The following TTC28 variants were observed in gnomAD, a reference collection of about 807,000 sequenced individuals.
The protein encoded by TTC28 is tetratricopeptide repeat domain 28.
TTC28 carries 61 observed loss-of-function variants against 198.0 expected under a neutral mutation model. That is an observed-to-expected ratio of 0.31 (90% confidence interval 0.25 to 0.38). TTC28 has a LOEUF of 0.38. TTC28 is among the 10% of genes least tolerant of loss of function. The pLI is 1.00. For synonymous variants in TTC28, 1,171 were observed against 1,297.8 expected (o/e 0.90, Z 2.10); for missense variants, 2,678 against 3,164.0 (o/e 0.85, Z 3.69).
At position 28,412,771 on chromosome 22, in the gene TTC28, G is replaced by A. The variant is rs369684595; in HGVS notation, c.382-106128C>T. On this transcript the variant is annotated intron_variant, in intron 2 of 22. Transcript: ENST00000397906. ...AGTTTGTGTATTTAGGCATGGTGAT[G>A]CTTAGTGACAGAAAAGGGAGGAAAT... is the stretch of plus-strand genomic sequence containing the variant. Among the ~76,000 whole-genome samples, 9 of 152,298 alleles carry A rather than the reference G, an allele frequency of 5.9e-5. No homozygotes were observed. The East Asian group carries it at 1.7e-3, about 29-fold the overall frequency.
Position 28,247,081 on chromosome 22 carries a change from A to G in TTC28, c.933+49117T>C, listed in dbSNP as rs138714170. Among the ~76,000 whole-genome samples the G allele has an allele frequency of 2.6e-4, 40 of 152,340 alleles. No individual in the cohort carries two copies. In the East Asian group the frequency reaches 6.9e-3, roughly 26 times the overall value. On this transcript the variant is annotated intron_variant, in intron 5 of 22. Transcript: ENST00000397906. Reference sequence around the variant, plus strand: ...ATATAAAAGAAAAATGATTAAGATCAAGATACGTGGCATTCTTTCTAAGAC... The same window carrying G: ...ATATAAAAGAAAAATGATTAAGATCGAGATACGTGGCATTCTTTCTAAGAC...
chr22:28,230,648 G>A (rs1928729903), intron 5 of TTC28, among the ~76,000 whole-genome samples: 1 of 152,154 alleles, frequency 6.6e-6, no homozygotes. Flanking sequence ...AGAGAGACTG[G>A]GGGAGGTTCG....
intron 6 of TTC28, among the ~76,000 whole-genome samples, chr22:28,159,285 A>T (rs1367018966): frequency 2.0e-5 from 3 of 152,188 alleles, no homozygotes; most frequent in African/African-American, 7.2e-5. Flanking sequence ...AGGGAACCCT[A>T]GCACACTGTT....
chr22:28,487,653 G>A, intron 2 of TTC28, among the ~76,000 whole-genome samples: 1 of 152,178 alleles, frequency 6.6e-6, no homozygotes, highest in Middle Eastern at 3.4e-3. Context: ...ATAATTATAA[G>A]AGATATAATT....
intron 5 of TTC28, among the ~76,000 whole-genome samples, chr22:28,218,483 G>C (rs1434475579): frequency 6.6e-6 from 1 of 151,676 alleles, no homozygotes; most frequent in Non-Finnish European, 1.5e-5. Flanking sequence ...CATTCATTCA[G>C]TTTTTTTCAC....
chr22:28,390,733 G>A (rs2046704086), intron 2 of TTC28, among the ~76,000 whole-genome samples: 1 of 152,098 alleles, frequency 6.6e-6, no homozygotes, highest in Non-Finnish European at 1.5e-5. Flanking sequence ...GAGCCTATGT[G>A]TGTCTCTGCA....
intron 2 of TTC28, among the ~76,000 whole-genome samples, chr22:28,618,682 C>CAGAA (rs2050942090): frequency 1.9e-5 from 1 of 54,030 alleles, no homozygotes; most frequent in African/African-American, 6.6e-5. Context: ...ACTCTGTCTC[C>CAGAA]AAAAAAAAAA....
chr22:28,228,437 T>A (rs28701638), intron 5 of TTC28, among the ~76,000 whole-genome samples: 1 of 152,096 alleles, frequency 6.6e-6, no homozygotes, highest in Non-Finnish European at 1.5e-5. Flanking sequence ...CGGTAGCTCA[T>A]GCCTGTAATC....
At chr22:28,425,952 C>T (rs753321033) in intron 2 of TTC28, among the ~76,000 whole-genome samples, 2 of 152,072 alleles carry the variant, frequency 1.3e-5, no homozygotes, top group Non-Finnish European at 2.9e-5. Flanking sequence ...GGCTCACGCC[C>T]GTAACCCCAG....
intron 12 of TTC28, among the ~76,000 whole-genome samples, chr22:28,054,440 G>A (rs17484428): frequency 0.026 from 3,959 of 152,188 alleles, 74 homozygotes; most frequent in Admixed American, 0.038. Flanking sequence ...GTGTCATTTG[G>A]GTTTCATTTT....
chr22:28,040,409 C>T (rs892754869), intron 12 of TTC28, among the ~76,000 whole-genome samples: 2 of 152,170 alleles, frequency 1.3e-5, no homozygotes, highest in African/African-American at 2.4e-5. Flanking sequence ...CGTCTTCATC[C>T]CTGGGATGCA....
chr22:28,046,442 G>A (rs1253251407), intron 12 of TTC28, among the ~76,000 whole-genome samples: 2 of 152,212 alleles, frequency 1.3e-5, no homozygotes, highest in Non-Finnish European at 2.9e-5. Context: ...ACAATGTTAA[G>A]TATTTGTGTA....
rs1446297314 is a variant in TTC28 at position 28,199,582 on chromosome 22, CACT to C, written c.934-35986_934-35984del. On this transcript the variant is annotated intron_variant, in intron 5 of 22. Transcript: ENST00000397906. Reference sequence around the variant, plus strand: ...ACACTAAATTATTTGTGTGCATGTGCACTGTGTATGTGTATGTGTATGTGTATG... The same window carrying C: ...ACACTAAATTATTTGTGTGCATGTGCGTGTATGTGTATGTGTATGTGTATG... Among the ~76,000 whole-genome samples the C allele has an allele frequency of 5.3e-3, 753 of 142,544 alleles. 18 individuals carry two copies. The highest frequency in any genetic ancestry group is 0.019 in the African/African-American group (709 of 36,514). 93.5% of individuals were successfully genotyped at this position (142,544 alleles called of 152,430 possible). A position where few individuals can be genotyped will look rare whatever the true frequency, so the allele number is the denominator to read the frequency against.
chr22:28,643,627 G>T (rs5762730), intron 1 of TTC28, among the ~76,000 whole-genome samples: 89,968 of 152,066 alleles, frequency 0.59, 27,213 homozygotes, highest in South Asian at 0.74. Context: ...AAAAAATTAT[G>T]TCTTAAGATT....
intron 21 of TTC28, 123 bp from the exon 22 acceptor site, chr22:27,985,479 T>TC: frequency 1.3e-6 from 1 of 749,638 alleles, no homozygotes; most frequent in South Asian, 1.7e-5. Flanking sequence ...AGCAAGCATT[T>TC]GGGCCTGGGG....
intron 5 of TTC28, among the ~76,000 whole-genome samples, chr22:28,257,654 A>T (rs1254933707): frequency 6.7e-6 from 1 of 149,840 alleles, no homozygotes; most frequent in Admixed American, 6.7e-5. Context: ...AAAAGAATAT[A>T]AATATATTTA....
intron 2 of TTC28, among the ~76,000 whole-genome samples, chr22:28,344,149 G>A (rs1167596688): frequency 6.6e-6 from 1 of 150,710 alleles, no homozygotes; most frequent in Non-Finnish European, 1.5e-5. Flanking sequence ...CTAGTATGGT[G>A]TCTAGAAACA....
intron 2 of TTC28, among the ~76,000 whole-genome samples, chr22:28,342,443 C>G (rs992239017): frequency 3.9e-5 from 6 of 152,136 alleles, no homozygotes; most frequent in Admixed American, 1.3e-4. Flanking sequence ...GAGACCATCA[C>G]TTTCATTTTT....
chr22:28,624,150 G>GA (rs1248186046), intron 2 of TTC28, among the ~76,000 whole-genome samples: 3 of 152,168 alleles, frequency 2.0e-5, no homozygotes, highest in African/African-American at 7.2e-5. Flanking sequence ...AGACTGACCA[G>GA]AAAAGGGCAG....
Sources: allele counts gnomAD v4.1 joint callset (sites outside exome capture counted in the v4.1 genomes callset), GRCh38; gene constraint gnomAD v4.1.1; transcripts MANE v1.5; gene names NCBI Gene and HGNC (gene_info 2026-07-23, HGNC 2026-07-21).